The following BRAF variants were observed in gnomAD, a reference collection of about 807,000 sequenced individuals.
BRAF encodes the protein B-Raf proto-oncogene, serine/threonine kinase, also known as serine/threonine-protein kinase B-raf.
BRAF carries 16 observed loss-of-function variants against 104.6 expected under a neutral mutation model. The ratio of observed to expected loss-of-function variants is 0.15; its 90% confidence interval spans 0.10 to 0.23. The LOEUF (loss-of-function observed/expected upper bound fraction) is 0.23, where lower values mean the gene tolerates loss of function less well. BRAF is among the 10% of genes least tolerant of loss of function. The probability of loss-of-function intolerance (pLI) is 1.00; values close to 1 mark genes in which losing one functional copy is unlikely to be tolerated. For missense variants in BRAF, 541 were observed against 937.3 expected (o/e 0.58, Z 5.52); for synonymous variants, 310 against 341.6 (o/e 0.91, Z 1.02).
chr7:140,736,295 C>T (rs1438186178), intron 18 of BRAF, among the ~76,000 whole-genome samples: 1 of 151,738 alleles, frequency 6.6e-6, no homozygotes, highest in Non-Finnish European at 1.5e-5. Context: ...TCTCGAACTC[C>T]TAACCTCAAC....
intron 2 of BRAF, chr7:140,836,307 A>AT (rs1586345875): frequency 1.3e-5 from 2 of 152,180 alleles, no homozygotes; most frequent in East Asian, 3.8e-4. Context: ...AGAAACAATA[A>AT]GGCTGAAAAG....
At chr7:140,760,789 G>C (rs1798639643) in intron 14 of BRAF, among the ~76,000 whole-genome samples, 1 of 152,152 alleles carries the variant, frequency 6.6e-6, no homozygotes, top group Non-Finnish European at 1.5e-5. Flanking sequence ...AAGGGTATCA[G>C]TGATGGAAGA....
chr7:140,713,617 C>T, the BRAF span, among the ~76,000 whole-genome samples: 2 of 152,208 alleles, frequency 1.3e-5, no homozygotes, highest in African/African-American at 4.8e-5. Flanking sequence ...TTGTCAAAGT[C>T]ATTCTCCGTC....
intron 1 of BRAF, among the ~76,000 whole-genome samples, chr7:140,865,941 AG>A (rs1242812111): frequency 6.6e-6 from 1 of 152,218 alleles, no homozygotes; most frequent in Non-Finnish European, 1.5e-5. Flanking sequence ...CTAAAGTTTC[AG>A]GGATGGCAGG....
intron 2 of BRAF, among the ~76,000 whole-genome samples, chr7:140,847,730 G>T (rs1271249382): frequency 6.6e-6 from 1 of 152,118 alleles, no homozygotes; most frequent in Admixed American, 6.6e-5. Flanking sequence ...ACTTACCCAA[G>T]ATGTGATATT....
At chr7:140,811,727 T>C (rs1028974253) in intron 3 of BRAF, among the ~76,000 whole-genome samples, 2 of 152,174 alleles carry the variant, frequency 1.3e-5, no homozygotes, top group African/African-American at 2.4e-5. Flanking sequence ...TTTAAGCCAA[T>C]AGGTCTCAAC....
chr7:140,733,417 A>T (rs1410579789), intron 19 of BRAF: 2 of 152,252 alleles, frequency 1.3e-5, no homozygotes, highest in African/African-American at 2.4e-5. Flanking sequence ...GAGATGGCCA[A>T]ATCTTTGATA....
At chr7:140,921,420 G>A (rs1029101060) in intron 1 of BRAF, among the ~76,000 whole-genome samples, 1 of 152,058 alleles carries the variant, frequency 6.6e-6, no homozygotes, top group African/African-American at 2.4e-5. Flanking sequence ...TACAGGATGT[G>A]AAATTTGTTC....
intron 1 of BRAF, among the ~76,000 whole-genome samples, chr7:140,886,439 A>G (rs1367361167): frequency 6.6e-6 from 1 of 152,192 alleles, no homozygotes; most frequent in African/African-American, 2.4e-5. Context: ...ACTTCCTAGT[A>G]CAGAGTGCAA....
intron 1 of BRAF, among the ~76,000 whole-genome samples, chr7:140,905,191 T>A (rs750753549): frequency 6.6e-6 from 1 of 152,194 alleles, no homozygotes; most frequent in African/African-American, 2.4e-5. Flanking sequence ...ATATTTTATA[T>A]CCTAACTAAC....
At chr7:140,753,235 C>T (rs373560312) in intron 16 of BRAF, 40 bp downstream of exon 15, 1 of 1,502,080 alleles carries the variant, frequency 6.7e-7, no homozygotes, top group Non-Finnish European at 9.3e-7. Flanking sequence ...CATCTCAGGG[C>T]CAAAAATTTA....
chr7:140,748,194 G>C (rs1323914895), intron 17 of BRAF, among the ~76,000 whole-genome samples: 1 of 152,188 alleles, frequency 6.6e-6, no homozygotes, highest in African/African-American at 2.4e-5. Context: ...AAGCTACTCA[G>C]AGCTAGCACC....
At chr7:140,808,181 T>C in intron 4 of BRAF, 119 bp from the exon 5 acceptor site, 1 of 748,524 alleles carries the variant, frequency 1.3e-6, no homozygotes, top group Non-Finnish European at 2.4e-6. Flanking sequence ...GAGGTTTGGC[T>C]CCCTAATATT....
intron 1 of BRAF, among the ~76,000 whole-genome samples, chr7:140,912,839 A>G (rs564179418): frequency 2.4e-4 from 36 of 152,230 alleles, no homozygotes; most frequent in African/African-American, 8.7e-4. Context: ...TGAGCCACCA[A>G]GCCCCGATGA....
intron 1 of BRAF, among the ~76,000 whole-genome samples, chr7:140,850,829 A>C (rs1297020890): frequency 6.6e-6 from 1 of 152,160 alleles, no homozygotes; most frequent in Non-Finnish European, 1.5e-5. Context: ...CTCAAGTTTT[A>C]TCTGTATGCT....
chr7:140,870,320 T>C (rs1811435112), intron 1 of BRAF, among the ~76,000 whole-genome samples: 1 of 152,202 alleles, frequency 6.6e-6, no homozygotes, highest in Non-Finnish European at 1.5e-5. Flanking sequence ...ATGTAAGATA[T>C]ACATGCTTAT....
intron 3 of BRAF, among the ~76,000 whole-genome samples, chr7:140,815,106 C>T (rs115088706): frequency 0.028 from 4,190 of 151,334 alleles, 205 homozygotes; most frequent in African/African-American, 0.094. Flanking sequence ...AACTTAATGC[C>T]AAGTTCTTTT....
At chr7:140,761,634 C>T (rs1265319710) in intron 14 of BRAF, among the ~76,000 whole-genome samples, 2 of 152,118 alleles carry the variant, frequency 1.3e-5, no homozygotes, top group Non-Finnish European at 2.9e-5. Flanking sequence ...GTGCTGCATA[C>T]AGGAAACCCA....
intron 2 of BRAF, among the ~76,000 whole-genome samples, chr7:140,837,253 G>T (rs1041903739): frequency 6.6e-6 from 1 of 152,110 alleles, no homozygotes; most frequent in Non-Finnish European, 1.5e-5. Context: ...CTACCTTTAA[G>T]ACCCGGAGAA....
Sources: gnomAD v4.1 joint callset for allele counts (sites outside exome capture counted in the v4.1 genomes callset) on GRCh38, gnomAD v4.1.1 for gene constraint, MANE v1.5 for transcripts, NCBI Gene and HGNC (gene_info 2026-07-23, HGNC 2026-07-21) for gene names.